The following MYOF variants were observed in gnomAD, a reference collection of about 807,000 sequenced individuals.
MYOF encodes fer-1-like 3, myoferlin.
MYOF carries 244 observed loss-of-function variants against 284.2 expected under a neutral mutation model. That is an observed-to-expected ratio of 0.86 (90% CI 0.77 to 0.95). MYOF has a LOEUF of 0.95. Among genes scored for constraint, MYOF ranks in the 40% least tolerant of loss-of-function variants. The pLI is 0.00. For missense variants in MYOF, 2,496 were observed against 2,560.6 expected (o/e 0.97, Z 0.54); for synonymous variants, 904 against 919.7 (o/e 0.98, Z 0.31).
rs150039361 is a variant in MYOF at position 93,395,543 on chromosome 10, G to A, written c.1417+599C>T. 2.5e-4 allele frequency among the ~76,000 whole-genome samples: 38 copies of A among 152,254 alleles called. 1 individual carries two copies. Among genetic ancestry groups the A allele is most frequent in the African/African-American group, 8.9e-4 (37 of 41,548 alleles). On this transcript the variant is annotated intron_variant, in intron 16 of 53. Transcript: ENST00000359263. Reference sequence around the variant, plus strand: ...TTCCCTGTTACAATTTCTGGCATATGCACAAAACCATAATGCCAGGTATAG... The same window carrying A: ...TTCCCTGTTACAATTTCTGGCATATACACAAAACCATAATGCCAGGTATAG...
rs773331744 is a variant in MYOF, at chr10:93,431,494, C to A, written c.259G>T (p.Ala87Ser). 2.1e-5 allele frequency: 34 copies of A among 1,613,760 alleles called. No homozygotes were observed. The highest frequency in any genetic ancestry group is 2.6e-5 in the Non-Finnish European group (31 of 1,179,844). ...TGGTCACCAGTCAGGTCCTTCAGGG[C>A]TACAGTCGCCGTGCCAATTAATCTG... ...QNKLIGTATV[A>S]LKDLTGDQSR... Residue 87 changes from alanine to serine, a missense_variant, in exon 4 of 54, where the codon GCC (alanine) becomes TCC (serine). Physicochemically the swap from Ala to Ser is moderately conservative, Grantham distance 99. Around this residue, in one of 3 missense-constraint regions of MYOF, gnomAD observed 2,436 missense variants for 2,480.7 expected, o/e 0.98. Transcript: ENST00000359263.
intron 26 of MYOF, among the ~76,000 whole-genome samples, chr10:93,365,442 G>C (rs1845283197): frequency 6.6e-6 from 1 of 152,038 alleles, no homozygotes; most frequent in African/African-American, 2.4e-5. Flanking sequence ...AACAGCTTTT[G>C]AGATATAGTT....
intron 1 of MYOF, among the ~76,000 whole-genome samples, chr10:93,470,201 C>G (rs139964292): frequency 6.8e-6 from 1 of 147,810 alleles, no homozygotes; most frequent in African/African-American, 2.5e-5. Context: ...TATACTCCAG[C>G]CTGGGCAACA....
At chr10:93,308,792 A>C (rs370961612) in intron 53 of MYOF, among the ~76,000 whole-genome samples, 1 of 147,342 alleles carries the variant, frequency 6.8e-6, no homozygotes, top group African/African-American at 2.5e-5. Flanking sequence ...GCTCACTGCA[A>C]CCTCCGCCTC....
chr10:93,350,504 G>T (rs142046442), intron 35 of MYOF, among the ~76,000 whole-genome samples: 528 of 152,170 alleles, frequency 3.5e-3, no homozygotes, highest in Middle Eastern at 6.8e-3. Flanking sequence ...GTAGAGGCAG[G>T]GTTCCACCAT....
chr10:93,336,947 G>A (rs1385838056), intron 40 of MYOF, among the ~76,000 whole-genome samples: 1 of 149,572 alleles, frequency 6.7e-6, no homozygotes, highest in East Asian at 1.9e-4. Context: ...AGGAAAGAAA[G>A]GTAGGAAGAC....
At chr10:93,334,672 A>C (rs1284395303) in intron 41 of MYOF, among the ~76,000 whole-genome samples, 1 of 152,132 alleles carries the variant, frequency 6.6e-6, no homozygotes, top group Non-Finnish European at 1.5e-5. Context: ...AAACCAGGAG[A>C]AAGCACTGAA....
At chr10:93,363,850 T>C in intron 27 of MYOF, 111 bp downstream of exon 27, 1 of 785,548 alleles carries the variant, frequency 1.3e-6, no homozygotes, top group Non-Finnish European at 2.1e-6. Context: ...CTTCAGAACA[T>C]AAGATGGAGC....
Position 93,404,173 on chromosome 10 carries a change from T to G in MYOF, c.776A>C (p.Glu259Ala), listed in dbSNP as rs1266694706. Reference sequence around the variant, plus strand: ...GACCCTTACCCGGATGCTGATGATCTCATCCATCAATTCAGAAGGGGTCAT... The same window carrying G: ...GACCCTTACCCGGATGCTGATGATCGCATCCATCAATTCAGAAGGGGTCAT... ...VNMTPSELMDEIISIRVYNSH... is the reference protein window; with the variant it reads ...VNMTPSELMDAIISIRVYNSH... Residue 259 changes from glutamate to alanine, a missense_variant, in exon 8 of 54, where the codon GAG (glutamate) becomes GCG (alanine). Glu to Ala is a moderately radical substitution (Grantham distance 107). This residue lies in a region of MYOF where 2,436 missense variants were observed against 2,480.7 expected (regional missense o/e 0.98). Coordinates refer to ENST00000359263, the MANE Select transcript of MYOF (RefSeq NM_013451.4). 2 of 1,614,160 alleles carry G rather than the reference T, an allele frequency of 1.2e-6. No individual in the cohort carries two copies. Among genetic ancestry groups the G allele is most frequent in the Admixed American group, 3.3e-5 (2 of 60,022 alleles).
At chr10:93,345,553 C>T (rs1272322431) in intron 37 of MYOF, among the ~76,000 whole-genome samples, 2 of 152,144 alleles carry the variant, frequency 1.3e-5, no homozygotes, top group Non-Finnish European at 2.9e-5. Context: ...TAAGCAGTCT[C>T]TACACTTCCA....
chr10:93,442,033 C>G (rs2056279988), intron 3 of MYOF, among the ~76,000 whole-genome samples: 1 of 149,690 alleles, frequency 6.7e-6, no homozygotes, highest in African/African-American at 2.4e-5. Flanking sequence ...CACACACACA[C>G]ACACACACAG....
chr10:93,314,800 C>A (rs1197238725), intron 50 of MYOF, among the ~76,000 whole-genome samples: 1 of 152,128 alleles, frequency 6.6e-6, no homozygotes, highest in Non-Finnish European at 1.5e-5. Context: ...GTAATCCCAG[C>A]AATATTGGGA....
chr10:93,452,182 C>T (rs764900124), intron 2 of MYOF, 41 bp from the exon 3 acceptor site: 1 of 1,382,980 alleles, frequency 7.2e-7, no homozygotes, highest in South Asian at 1.2e-5. Flanking sequence ...AAAAAAAAGG[C>T]TGTTAGAAGG....
chr10:93,439,184 C>G (rs1389883893), intron 3 of MYOF, among the ~76,000 whole-genome samples: 2 of 147,002 alleles, frequency 1.4e-5, no homozygotes, highest in Non-Finnish European at 2.9e-5. Flanking sequence ...ATCACTGTTA[C>G]CTTTGCAGGT....
intron 31 of MYOF, among the ~76,000 whole-genome samples, chr10:93,355,087 G>A (rs1353240440): frequency 2.6e-5 from 4 of 152,154 alleles, no homozygotes; most frequent in African/African-American, 9.7e-5. Flanking sequence ...GACAGAATGA[G>A]CACATATGAG....
At chr10:93,310,378 T>C (rs904689065) in intron 52 of MYOF, among the ~76,000 whole-genome samples, 156 bp downstream of exon 52, 2 of 152,170 alleles carry the variant, frequency 1.3e-5, no homozygotes, top group African/African-American at 4.8e-5. Flanking sequence ...ATTCTTAAAA[T>C]GAAGCCAGAT....
intron 41 of MYOF, among the ~76,000 whole-genome samples, chr10:93,335,450 A>T (rs1370788255): frequency 6.6e-6 from 1 of 152,156 alleles, no homozygotes; most frequent in Non-Finnish European, 1.5e-5. Context: ...GCTGGAGAGG[A>T]GTGTGACGAG....
chr10:93,363,636 A>G (rs1382556791), intron 27 of MYOF, among the ~76,000 whole-genome samples: 1 of 152,268 alleles, frequency 6.6e-6, no homozygotes, highest in African/African-American at 2.4e-5. Flanking sequence ...ACTGCGTTCC[A>G]GCCTGGGAAA....
chr10:93,380,023 C>G (rs373165137), intron 20 of MYOF, 36 bp from the exon 21 acceptor site: 35 of 1,598,956 alleles, frequency 2.2e-5, no homozygotes, highest in Admixed American at 8.4e-5. Context: ...GAACACTGAA[C>G]ACTTAAAATA....
Sources: gnomAD v4.1 joint callset for allele counts (sites outside exome capture counted in the v4.1 genomes callset) on GRCh38, gnomAD v4.1.1 for gene constraint, gnomAD v4.1.1 regional missense constraint, MANE v1.5 for transcripts, NCBI Gene and HGNC (gene_info 2026-07-23, HGNC 2026-07-21) for gene names.